RAB27B: variants seen among roughly 807,000 people sequenced by gnomAD.
The protein encoded by RAB27B is ras-related protein Rab-27B.
Under a neutral mutation model 24.6 loss-of-function variants are expected in RAB27B, and 15 were observed. The observed-to-expected ratio is 0.61, with a 90% CI of 0.41 to 0.94. RAB27B has a LOEUF of 0.94. Among genes scored for constraint, RAB27B ranks in the 40% least tolerant of loss-of-function variants. The probability of loss-of-function intolerance (pLI) is 0.00; values close to 1 mark genes in which losing one functional copy is unlikely to be tolerated. For missense variants in RAB27B, 261 were observed against 266.8 expected (o/e 0.98, Z 0.15); for synonymous variants, 105 against 92.5 (o/e 1.14, Z -0.78).
intron 2 of RAB27B, among the ~76,000 whole-genome samples, chr18:54,722,401 A>G (rs1185993520): frequency 2.0e-5 from 3 of 152,124 alleles, no homozygotes; most frequent in African/African-American, 2.4e-5. Flanking sequence ...GGTGTTGATT[A>G]TGGTGCTGCT....
At chr18:54,854,519 T>C (rs1263613857) in intron 1 of RAB27B, among the ~76,000 whole-genome samples, 1 of 152,190 alleles carries the variant, frequency 6.6e-6, no homozygotes, top group Non-Finnish European at 1.5e-5. Flanking sequence ...GTGGGAGTAA[T>C]GAGATTAAAC....
intron 1 of RAB27B, among the ~76,000 whole-genome samples, chr18:54,875,819 G>A (rs1176351562): frequency 6.6e-6 from 1 of 151,916 alleles, no homozygotes; most frequent in Non-Finnish European, 1.5e-5. Context: ...ACCCAAAGAC[G>A]CAAAAGTTTT....
exon 1 of RAB27B, chr18:54,717,927 G>A (rs1160727008): frequency 1.3e-5 from 2 of 152,190 alleles, no homozygotes; most frequent in African/African-American, 2.4e-5. Context: ...CCTTCTGTTC[G>A]ATTAGAAGGT....
intron 2 of RAB27B, among the ~76,000 whole-genome samples, chr18:54,766,225 T>A (rs969961897): frequency 6.6e-6 from 1 of 152,080 alleles, no homozygotes; most frequent in African/African-American, 2.4e-5. Flanking sequence ...CAGGAAATAA[T>A]AGAAACAAAT....
At chr18:54,783,823 CAT>C (rs1409014164) in intron 2 of RAB27B, among the ~76,000 whole-genome samples, 5 of 152,154 alleles carry the variant, frequency 3.3e-5, no homozygotes, top group African/African-American at 9.7e-5. Flanking sequence ...GAATGCCAAA[CAT>C]GTCCCAAGTT....
intron 1 of RAB27B, among the ~76,000 whole-genome samples, chr18:54,836,303 C>G (rs1910891302): frequency 6.6e-6 from 1 of 151,854 alleles, no homozygotes; most frequent in Non-Finnish European, 1.5e-5. Context: ...GTGTATTTTC[C>G]ATGGTTCTGA....
intron 1 of RAB27B, among the ~76,000 whole-genome samples, chr18:54,833,546 A>T (rs1910776968): frequency 6.6e-6 from 1 of 152,180 alleles, no homozygotes; most frequent in Non-Finnish European, 1.5e-5. Flanking sequence ...TCTTCTTTCT[A>T]CATGAAAGAA....
At chr18:54,738,621 C>T (rs1173502306) in intron 2 of RAB27B, among the ~76,000 whole-genome samples, 1 of 152,136 alleles carries the variant, frequency 6.6e-6, no homozygotes, top group Non-Finnish European at 1.5e-5. Context: ...AAGTTCTTTA[C>T]AGCAGTGTGA....
At chr18:54,888,616 T>A (rs1913241796) in intron 5 of RAB27B, among the ~76,000 whole-genome samples, 1 of 145,716 alleles carries the variant, frequency 6.9e-6, no homozygotes. Flanking sequence ...AATGGCAGCT[T>A]AAAAAAAAAA....
chr18:54,727,787 A>T (rs572776332), intron 2 of RAB27B, among the ~76,000 whole-genome samples: 296 of 152,300 alleles, frequency 1.9e-3, no homozygotes, highest in Admixed American at 2.5e-3. Context: ...GCTTATAGTT[A>T]TATGTTTCGT....
At chr18:54,843,692 T>C (rs1911207763) in intron 1 of RAB27B, among the ~76,000 whole-genome samples, 1 of 152,248 alleles carries the variant, frequency 6.6e-6, no homozygotes, top group Admixed American at 6.5e-5. Context: ...GCATTCTAAC[T>C]TTCAAGTCAA....
intron 1 of RAB27B, among the ~76,000 whole-genome samples, chr18:54,870,296 G>A (rs1266004151): frequency 6.6e-6 from 1 of 152,018 alleles, no homozygotes; most frequent in East Asian, 1.9e-4. Context: ...TCTACATAAG[G>A]AAATCCATTA....
At chr18:54,874,085 A>T (rs1912592697) in intron 1 of RAB27B, among the ~76,000 whole-genome samples, 1 of 152,178 alleles carries the variant, frequency 6.6e-6, no homozygotes, top group Admixed American at 6.5e-5. Flanking sequence ...GTTTATGTAC[A>T]AAAGACAGAG....
intron 2 of RAB27B, among the ~76,000 whole-genome samples, chr18:54,753,020 C>A (rs1189886924): frequency 2.0e-5 from 3 of 152,078 alleles, no homozygotes; most frequent in Non-Finnish European, 4.4e-5. Context: ...GAGGGCAGTG[C>A]TAGTGACTGA....
At chr18:54,876,319 C>G (rs1912699003) in intron 1 of RAB27B, among the ~76,000 whole-genome samples, 2 of 152,124 alleles carry the variant, frequency 1.3e-5, no homozygotes, top group African/African-American at 4.8e-5. Context: ...AGTGGGGACA[C>G]AAAGCCTAAC....
chr18:54,895,106 A>G lies in RAB27B; in HGVS notation c.*5693A>G, dbSNP rs908551160. ...GTATCTGAAATTATTTTTTAAAAAAATAAATTATCCTGCTTTAGTTAGTGT... is the reference window on the plus strand; with the variant it reads ...GTATCTGAAATTATTTTTTAAAAAAGTAAATTATCCTGCTTTAGTTAGTGT... On this transcript the variant is annotated 3_prime_UTR_variant, in exon 6 of 6. Transcript: ENST00000262094. 2 of 51,912 alleles carry G rather than the reference A, an allele frequency of 3.9e-5. No individual in the cohort carries two copies. Among genetic ancestry groups the G allele is most frequent in the African/African-American group, 1.2e-4 (2 of 16,794 alleles). The allele number at this position is 51,912 out of a possible 1,614,324, so 3.2% of individuals were successfully genotyped here. A position where few individuals can be genotyped will look rare whatever the true frequency, so the allele number is the denominator to read the frequency against.
intron 1 of RAB27B, among the ~76,000 whole-genome samples, chr18:54,841,519 A>G (rs1381838457): frequency 6.6e-6 from 1 of 152,210 alleles, no homozygotes; most frequent in Admixed American, 6.5e-5. Flanking sequence ...ACTACTGTAT[A>G]TGTAAGTAGA....
At chr18:54,839,740 C>G (rs907707176) in intron 1 of RAB27B, among the ~76,000 whole-genome samples, 7 of 152,150 alleles carry the variant, frequency 4.6e-5, no homozygotes, top group Non-Finnish European at 1.0e-4. Context: ...TGGTGAGTAT[C>G]TGTTTGCTTT....
At chr18:54,764,439 A>T (rs2145056861) in intron 2 of RAB27B, among the ~76,000 whole-genome samples, 1 of 152,298 alleles carries the variant, frequency 6.6e-6, no homozygotes, top group Middle Eastern at 3.4e-3. Flanking sequence ...TTTAAAGCAA[A>T]TACCTGATAT....
Sources: allele counts gnomAD v4.1 joint callset (sites outside exome capture counted in the v4.1 genomes callset), GRCh38; gene constraint gnomAD v4.1.1; transcripts MANE v1.5; gene names NCBI Gene and HGNC (gene_info 2026-07-23, HGNC 2026-07-21).